The following LINS1 variants were observed in gnomAD, a reference collection of about 807,000 sequenced individuals.
The protein encoded by LINS1 is protein Lines homolog 1.
LINS1 carries 27 observed loss-of-function variants against 41.6 expected under a neutral mutation model. The ratio of observed to expected loss-of-function variants is 0.65; its 90% CI spans 0.48 to 0.89. LINS1 has a LOEUF of 0.89. Among genes scored for constraint, LINS1 ranks in the 40% least tolerant of loss-of-function variants. The pLI is 0.00. For synonymous variants in LINS1, 336 were observed against 312.9 expected (o/e 1.07, Z -0.78); for missense variants, 955 against 884.1 (o/e 1.08, Z -1.02).
Position 100,569,716 on chromosome 15 carries a change from T to C in LINS1, c.1796A>G (p.Glu599Gly), listed in dbSNP as rs1238729968. ...RHSWASDAPS[E>G]PLKAVMSKGA... ...CTTGGACATCACAGCTTTCAGTGGTTCAGAGGGAGCATCGGAAGCCCAGGA... is the reference window on the plus strand; with the variant it reads ...CTTGGACATCACAGCTTTCAGTGGTCCAGAGGGAGCATCGGAAGCCCAGGA... The change falls in exon 7 of 7, where the codon GAA (glutamate) becomes GGA (glycine). Residue 599 changes from glutamate to glycine, a missense_variant. Transcript: ENST00000314742. The C allele has an allele frequency of 6.2e-7, 1 of 1,613,900 alleles. No homozygotes were observed. Among genetic ancestry groups the C allele is most frequent in the East Asian group, 2.2e-5 (1 of 44,878 alleles).
intron 1 of LINS1, among the ~76,000 whole-genome samples, chr15:100,592,141 A>G (rs1041210872): frequency 3.3e-5 from 5 of 152,250 alleles, no homozygotes; most frequent in African/African-American, 9.6e-5. Flanking sequence ...TGTAAACCTC[A>G]GAAAATTCTG....
intron 3 of LINS1, 56 bp downstream of exon 3, chr15:100,580,207 A>C: frequency 7.4e-7 from 1 of 1,346,316 alleles, no homozygotes; most frequent in African/African-American, 1.5e-5. Context: ...AAAACATTTA[A>C]ATTTAAAAAA....
At chr15:100,581,344 AC>A in intron 1 of LINS1, among the ~76,000 whole-genome samples, 1 of 152,300 alleles carries the variant, frequency 6.6e-6, no homozygotes, top group Non-Finnish European at 1.5e-5. Context: ...AGCACTTCCC[AC>A]CTGACCTGCC....
intron 1 of LINS1, among the ~76,000 whole-genome samples, chr15:100,593,151 G>T (rs867605944): frequency 1.3e-5 from 2 of 152,152 alleles, no homozygotes; most frequent in Admixed American, 6.5e-5. Flanking sequence ...AGTGTCTGAC[G>T]GAGGGTGCAC....
At chr15:100,586,940 C>T (rs977092910) in intron 1 of LINS1, among the ~76,000 whole-genome samples, 1 of 151,862 alleles carries the variant, frequency 6.6e-6, no homozygotes, top group African/African-American at 2.4e-5. Flanking sequence ...GCGGGCAGAT[C>T]ACGAGGTCAG....
At chr15:100,580,226 AAG>A (rs761688670) in intron 3 of LINS1, 35 bp downstream of exon 3, 5 of 1,438,518 alleles carry the variant, frequency 3.5e-6, no homozygotes, top group Admixed American at 1.8e-5. Flanking sequence ...AAAATTAAGA[AAG>A]AGAAATAATA....
Position 100,573,918 on chromosome 15 carries a change from A to T in LINS1, c.955T>A (p.Ser319Thr). 1 of 1,614,246 alleles carries T rather than the reference A, an allele frequency of 6.2e-7. No individual in the cohort carries two copies. The highest frequency in any genetic ancestry group is 8.5e-7 in the Non-Finnish European group (1 of 1,180,034). Reference sequence around the variant, plus strand: ...TCTGGCGGCATTAAGGCAGGCACAGATCCACGACAGAGGTCTTCACCCACT... The same window carrying T: ...TCTGGCGGCATTAAGGCAGGCACAGTTCCACGACAGAGGTCTTCACCCACT... Reference protein sequence around the residue: ...CKVGEDLCRGSVPALMPPDHH... With the variant: ...CKVGEDLCRGTVPALMPPDHH... The change falls in exon 5 of 7, where the codon TCT becomes ACT. Residue 319 changes from serine to threonine, a missense_variant. Transcript: ENST00000314742.
chr15:100,576,029 G>A (rs1268673792), intron 3 of LINS1, among the ~76,000 whole-genome samples: 1 of 152,188 alleles, frequency 6.6e-6, no homozygotes, highest in African/African-American at 2.4e-5. Flanking sequence ...AAAGCAGTAC[G>A]TAGAGGGAAA....
chr15:100,575,163 A>G lies in LINS1; in HGVS notation c.490-35T>C, dbSNP rs754547753. 5.1e-6 allele frequency: 8 copies of G among 1,577,300 alleles called. No individual in the cohort carries two copies. In the East Asian group the frequency reaches 1.8e-4, roughly 35 times the overall value. On this transcript the variant is annotated intron_variant, in intron 3 of 6. Transcript: ENST00000314742. ...AGAAAATAAAGCAAGCAGTTAAAAT[A>G]CAATATTTTCTTTACATAATACAAC...
At position 100,601,396 on chromosome 15, in the gene LINS1, G is replaced by C. The variant is rs543362810; in HGVS notation, c.-104+725C>G. Among the ~76,000 whole-genome samples the C allele has an allele frequency of 3.3e-5, 5 of 152,150 alleles. No homozygotes were observed. The East Asian group carries it at 9.7e-4, about 29-fold the overall frequency. On this transcript the variant is annotated intron_variant, in intron 1 of 6. Transcript: ENST00000314742. The stretch of plus-strand genomic sequence containing the variant: ...TTAAAAAGCCACCAGTTCTACCTCC[G>C]TGATAACCCATTAATCCATGAATAG...
intron 1 of LINS1, among the ~76,000 whole-genome samples, chr15:100,594,137 A>G (rs549851978): frequency 9.0e-4 from 137 of 152,352 alleles, no homozygotes; most frequent in African/African-American, 3.2e-3. Context: ...TAGATTACTT[A>G]TAATACCTAA....
intron 1 of LINS1, among the ~76,000 whole-genome samples, chr15:100,595,549 T>C (rs2039207808): frequency 6.6e-6 from 1 of 152,214 alleles, no homozygotes. Flanking sequence ...AGATCTCTCC[T>C]ACACTGCTGG....
chr15:100,569,141 G>C lies in LINS1; in HGVS notation c.*97C>G. 1 of 544,708 alleles carries C rather than the reference G, an allele frequency of 1.8e-6. No individual in the cohort carries two copies. The highest frequency in any genetic ancestry group is 3.0e-6 in the Non-Finnish European group (1 of 334,374). 33.7% of individuals were successfully genotyped at this position (544,708 alleles called of 1,614,324 possible). On this transcript the variant is annotated 3_prime_UTR_variant, in exon 7 of 7. Coordinates refer to ENST00000314742, the MANE Select transcript of LINS1 (RefSeq NM_001040616.3). ...CTGTCTCAAAAAAAAAAAAAAAAAA[G>C]AAAACCCTTTTATGGTGATGATTTT... is the stretch of plus-strand genomic sequence containing the variant.
intron 1 of LINS1, among the ~76,000 whole-genome samples, chr15:100,585,594 CA>C (rs1473686146): frequency 1.3e-5 from 2 of 152,154 alleles, no homozygotes; most frequent in Non-Finnish European, 2.9e-5. Context: ...TTGCGGCAAA[CA>C]AAGTAAAACT....
Position 100,567,811 on chromosome 15 carries a change from C to T in LINS1, c.*1427G>A, listed in dbSNP as rs2037610039. ...CCTTTGCATTGCTATTTGGCTAACA[C>T]TGGTACTTCGCTGTTATTTTAATCG... On this transcript the variant is annotated 3_prime_UTR_variant, in exon 7 of 7. Transcript: ENST00000314742. The T allele has an allele frequency of 6.6e-6, 1 of 152,212 alleles. No individual in the cohort carries two copies. Among genetic ancestry groups the T allele is most frequent in the African/African-American group, 2.4e-5 (1 of 41,454 alleles). The allele number at this position is 152,212 out of a possible 1,614,324, so 9.4% of individuals were successfully genotyped here.
At chr15:100,570,403 G>T in intron 6 of LINS1, 1 of 290,002 alleles carries the variant, frequency 3.4e-6, no homozygotes, top group Non-Finnish European at 6.5e-6. Context: ...CATTCTTATA[G>T]GTAACCAATT....
rs1161070785 is a variant in LINS1, at chr15:100,569,974, A to G, written c.1538T>C (p.Leu513Ser). 6.4e-7 allele frequency: 1 copy of G among 1,574,566 alleles called. No individual in the cohort carries two copies. ...GFDSTVLLDFLISSETCFLEY... is the reference protein window; with the variant it reads ...GFDSTVLLDFSISSETCFLEY... ...AAGAAAACAGGTTTCTGATGAAATC[A>G]AAAAGTCAAGAAGAACTGTGGAATC... Residue 513 changes from leucine to serine, a missense_variant, in exon 7 of 7, where the codon TTG becomes TCG. Leu to Ser is a moderately radical substitution (Grantham distance 145, BLOSUM62 -2). Coordinates refer to ENST00000314742, the MANE Select transcript of LINS1 (RefSeq NM_001040616.3).
Position 100,570,080 on chromosome 15 carries a change from C to A in LINS1, c.1432G>T (p.Glu478Ter), listed in dbSNP as rs1163046936. 34 of 1,583,916 alleles carry A rather than the reference C, an allele frequency of 2.1e-5. No individual in the cohort carries two copies. The highest frequency in any genetic ancestry group is 2.7e-5 in the Non-Finnish European group (32 of 1,173,576). Residue 478 changes from glutamate to a stop codon, truncating the protein, a stop_gained, in exon 7 of 7, where the codon GAA (glutamate) becomes TAA (stop). Transcript: ENST00000314742. LOFTEE classifies it low-confidence loss of function (END_TRUNC). ...TCATGTGTGTGATGGTCCCACATTT[C>A]TTTTCCCTGAGTCAAGCTTTCAGTG... The part of the protein sequence containing the change: ...EATESLTQGK[E>*]MWDHHTHENG...
At chr15:100,597,577 T>A (rs575286893) in intron 1 of LINS1, among the ~76,000 whole-genome samples, 1 of 152,232 alleles carries the variant, frequency 6.6e-6, no homozygotes. Flanking sequence ...ATTTTTAAAA[T>A]AAATGGAAAT....
Sources: allele counts gnomAD v4.1 joint callset (sites outside exome capture counted in the v4.1 genomes callset), GRCh38; gene constraint gnomAD v4.1.1; transcripts MANE v1.5; gene names NCBI Gene and HGNC (gene_info 2026-07-23, HGNC 2026-07-21).